The following CIMIP2C variants were observed in gnomAD, a reference collection of about 807,000 sequenced individuals.
The protein encoded by CIMIP2C is UPF0573 protein C2orf70.
At chr2:26,579,163 C>T in the CIMIP2C span, 1 of 1,000,118 alleles carries the variant, frequency 1.0e-6, no homozygotes, top group Non-Finnish European at 1.5e-6. Context: ...GGGGACTTAT[C>T]AGGTGTTAAA....
At chr2:26,574,622 C>T in the CIMIP2C span, among the ~76,000 whole-genome samples, 1 of 152,200 alleles carries the variant, frequency 6.6e-6, no homozygotes, top group African/African-American at 2.4e-5. Context: ...GAGGTGGCTA[C>T]GGCCATGGCA....
At chr2:26,571,822 C>T in the CIMIP2C span, among the ~76,000 whole-genome samples, 11 of 151,870 alleles carry the variant, frequency 7.2e-5, no homozygotes, top group African/African-American at 2.2e-4. Flanking sequence ...AGTGAATGGA[C>T]GGATGGATGG....
the CIMIP2C span, among the ~76,000 whole-genome samples, chr2:26,563,485 G>C: frequency 6.6e-6 from 1 of 152,180 alleles, no homozygotes; most frequent in Non-Finnish European, 1.5e-5. Context: ...GTGTAAGGCT[G>C]TCTTTATCCC....
the CIMIP2C span, among the ~76,000 whole-genome samples, chr2:26,569,715 C>A: frequency 6.6e-6 from 1 of 152,088 alleles, no homozygotes; most frequent in Non-Finnish European, 1.5e-5. Context: ...AGGGGTCCGG[C>A]TTGGCACAGT....
the CIMIP2C span, chr2:26,563,001 T>G: frequency 2.5e-6 from 1 of 397,344 alleles, no homozygotes. Context: ...ACGTGGGGTT[T>G]AGTGCTTGGA....
At chr2:26,576,289 G>C in the CIMIP2C span, 4 of 1,277,686 alleles carry the variant, frequency 3.1e-6, no homozygotes, top group Non-Finnish European at 4.3e-6. Context: ...ACAGTGTCTT[G>C]ATTTCCTTTC....
At chr2:26,566,976 C>G in the CIMIP2C span, among the ~76,000 whole-genome samples, 1 of 152,322 alleles carries the variant, frequency 6.6e-6, no homozygotes, top group African/African-American at 2.4e-5. Context: ...TCCCAAAGTG[C>G]TGGGATTATA....
the CIMIP2C span, chr2:26,577,858 C>A: frequency 2.0e-6 from 1 of 490,888 alleles, no homozygotes; most frequent in Non-Finnish European, 3.6e-6. Context: ...CTTTCCCGGC[C>A]AGATGCACTG....
the CIMIP2C span, among the ~76,000 whole-genome samples, chr2:26,572,848 G>A: frequency 6.6e-6 from 1 of 152,188 alleles, no homozygotes; most frequent in East Asian, 1.9e-4. Flanking sequence ...GCTGCCCGAT[G>A]GTTCCAGTGT....
the CIMIP2C span, chr2:26,572,299 T>C: frequency 1.3e-6 from 1 of 773,650 alleles, no homozygotes; most frequent in Non-Finnish European, 1.9e-6. Flanking sequence ...TTCAATAGAT[T>C]TGAAGCTCAC....
the CIMIP2C span, chr2:26,577,559 C>G: frequency 6.2e-7 from 1 of 1,614,150 alleles, no homozygotes; most frequent in African/African-American, 1.3e-5. Flanking sequence ...AAGACGGGCA[C>G]AGTGCCTCGA....
At chr2:26,562,883 C>T in the CIMIP2C span, among the ~76,000 whole-genome samples, 3 of 152,334 alleles carry the variant, frequency 2.0e-5, no homozygotes, top group African/African-American at 7.2e-5. Context: ...CGGGGGCCTC[C>T]CCAGATTCCC....
chr2:26,572,349 GT>G, the CIMIP2C span, among the ~76,000 whole-genome samples: 116,919 of 138,602 alleles, frequency 0.84, 49,411 homozygotes, highest in Non-Finnish European at 0.91. Flanking sequence ...TACTGAGTTG[GT>G]TTTTTTTTTT....
At chr2:26,577,751 G>T in the CIMIP2C span, 1 of 710,036 alleles carries the variant, frequency 1.4e-6, no homozygotes, top group Non-Finnish European at 2.4e-6. Flanking sequence ...CCTAAAACGT[G>T]CAGTGCAGAG....
At chr2:26,566,610 A>C in the CIMIP2C span, among the ~76,000 whole-genome samples, 1 of 152,236 alleles carries the variant, frequency 6.6e-6, no homozygotes, top group East Asian at 1.9e-4. Flanking sequence ...CCATTATATA[A>C]CATTTCCACC....
At chr2:26,571,891 A>G in the CIMIP2C span, among the ~76,000 whole-genome samples, 1 of 151,706 alleles carries the variant, frequency 6.6e-6, no homozygotes, top group African/African-American at 2.4e-5. Flanking sequence ...CATATTTGCT[A>G]TTTTAAAATG....
At chr2:26,563,511 T>C in the CIMIP2C span, among the ~76,000 whole-genome samples, 478 of 152,302 alleles carry the variant, frequency 3.1e-3, no homozygotes, top group African/African-American at 0.011. Context: ...CCAGTCAGCA[T>C]AGGTACTGAG....
chr2:26,565,523 T>C, the CIMIP2C span, among the ~76,000 whole-genome samples: 27 of 152,160 alleles, frequency 1.8e-4, no homozygotes, highest in Non-Finnish European at 2.8e-4. Context: ...TCCCCAACCG[T>C]CATGTGGTGT....
chr2:26,579,246 T>A, the CIMIP2C span: 1 of 1,599,140 alleles, frequency 6.3e-7, no homozygotes, highest in Non-Finnish European at 8.5e-7. Context: ...ACGCACCACC[T>A]TCCTTCCCTG....
Sources: allele counts gnomAD v4.1 joint callset (sites outside exome capture counted in the v4.1 genomes callset), GRCh38; gene constraint gnomAD v4.1.1; transcripts MANE v1.5; gene names NCBI Gene and HGNC (gene_info 2026-07-23, HGNC 2026-07-21).